Variants in ADARB2 observed in about 807,000 individuals in gnomAD.
The protein encoded by ADARB2 is adenosine deaminase RNA specific B2 (inactive), also known as inactive double-stranded RNA-specific editase B2.
In ADARB2, 25 loss-of-function variants were observed where a neutral mutation model predicts 62.2. The ratio of observed to expected loss-of-function variants is 0.40; its 90% CI spans 0.29 to 0.56. ADARB2 has a LOEUF of 0.56. Among genes scored for constraint, ADARB2 ranks in the 20% least tolerant of loss-of-function variants. ADARB2 has a pLI of 0.43. For synonymous variants in ADARB2, 572 were observed against 500.8 expected (o/e 1.14, Z -1.90); for missense variants, 1,071 against 1,077.4 (o/e 0.99, Z 0.08).
intron 1 of ADARB2, among the ~76,000 whole-genome samples, chr10:1,479,983 T>A (rs564603605): frequency 1.3e-5 from 2 of 152,012 alleles, no homozygotes; most frequent in East Asian, 3.9e-4. Flanking sequence ...ACAGAAGAGA[T>A]GGAAGGAGCT....
In ADARB2 at chr10:1,704,529, G is replaced by A. The variant is rs1834862957; in HGVS notation, c.100+32522C>T. Among the ~76,000 whole-genome samples the A allele has an allele frequency of 6.6e-6, 1 of 152,208 alleles. No homozygotes were observed. Among genetic ancestry groups the A allele is most frequent in the Admixed American group, 6.5e-5 (1 of 15,288 alleles). On this transcript the variant is annotated intron_variant, in intron 1 of 9. Transcript: ENST00000381312. The surrounding 1 kb of genome is among the most constrained non-coding windows in gnomAD (Gnocchi z 5.6). ...GAGCTCAGACATAATGTGAGTGGCAGAGAGTGGCTGTAAATATAGATGAAG... is the reference window on the plus strand; with the variant it reads ...GAGCTCAGACATAATGTGAGTGGCAAAGAGTGGCTGTAAATATAGATGAAG...
intron 4 of ADARB2, among the ~76,000 whole-genome samples, chr10:1,267,829 G>A (rs1394150124): frequency 6.6e-6 from 1 of 152,134 alleles, no homozygotes; most frequent in Non-Finnish European, 1.5e-5. Context: ...GGTTCTGCTT[G>A]GCTCTGTAGT....
chr10:1,273,784 C>T (rs940573790), intron 3 of ADARB2, among the ~76,000 whole-genome samples: 3 of 152,214 alleles, frequency 2.0e-5, no homozygotes, highest in Non-Finnish European at 2.9e-5. Context: ...ACCACAGGCT[C>T]CTGCAGGGCG....
intron 7 of ADARB2, among the ~76,000 whole-genome samples, chr10:1,207,981 C>T (rs1021204659): frequency 5.3e-5 from 8 of 152,190 alleles, no homozygotes; most frequent in African/African-American, 1.9e-4. Context: ...CACAGGCCTT[C>T]AGGATGGGAC....
At chr10:1,683,443 A>G (rs964357096) in intron 1 of ADARB2, among the ~76,000 whole-genome samples, 1 of 152,216 alleles carries the variant, frequency 6.6e-6, no homozygotes, top group African/African-American at 2.4e-5. Flanking sequence ...TGAGCTCGAA[A>G]GATTTTGCAG....
At chr10:1,686,053 C>T (rs893914271) in intron 1 of ADARB2, among the ~76,000 whole-genome samples, 8 of 152,202 alleles carry the variant, frequency 5.3e-5, no homozygotes, top group Admixed American at 1.3e-4. Context: ...TTGAATCAGG[C>T]CTGAGAGGAT....
chr10:1,605,481 T>C (rs1833483743), intron 1 of ADARB2, among the ~76,000 whole-genome samples: 1 of 152,216 alleles, frequency 6.6e-6, no homozygotes, highest in South Asian at 2.1e-4. Flanking sequence ...GAAGCCTGGA[T>C]TTAGGATTCA....
intron 3 of ADARB2, among the ~76,000 whole-genome samples, chr10:1,304,466 G>A (rs1285204501): frequency 6.6e-6 from 1 of 151,756 alleles, no homozygotes; most frequent in Admixed American, 6.6e-5. Context: ...GACAGATCAA[G>A]GAGACAGAAA....
At chr10:1,216,700 G>C (rs1040237344) in intron 7 of ADARB2, 1 of 549,572 alleles carries the variant, frequency 1.8e-6, no homozygotes, top group Non-Finnish European at 3.2e-6. Context: ...CCTTGCTCGG[G>C]GCTGTTTGCC....
At chr10:1,231,566 C>T (rs1315332518) in intron 6 of ADARB2, among the ~76,000 whole-genome samples, 7 of 152,166 alleles carry the variant, frequency 4.6e-5, no homozygotes, top group Non-Finnish European at 1.0e-4. Flanking sequence ...GTCCACTTCT[C>T]AGGTACTCAG....
intron 1 of ADARB2, among the ~76,000 whole-genome samples, chr10:1,395,575 C>T (rs1383790875): frequency 6.6e-6 from 1 of 152,220 alleles, no homozygotes; most frequent in African/African-American, 2.4e-5. Context: ...TCCCTGAGGG[C>T]CCAGGCTGCC....
intron 1 of ADARB2, among the ~76,000 whole-genome samples, chr10:1,470,937 T>C (rs1250589444): frequency 6.6e-6 from 1 of 152,146 alleles, no homozygotes; most frequent in Non-Finnish European, 1.5e-5. Flanking sequence ...CAGGTGCCTG[T>C]AGTCTCAGCT....
chr10:1,649,289 G>A (rs1329545213), intron 1 of ADARB2, among the ~76,000 whole-genome samples: 1 of 152,168 alleles, frequency 6.6e-6, no homozygotes, highest in Non-Finnish European at 1.5e-5. Flanking sequence ...ATCATAAATT[G>A]GAATCAGGGA....
chr10:1,319,697 CTT>C (rs1831778408), intron 3 of ADARB2, among the ~76,000 whole-genome samples: 1 of 140,412 alleles, frequency 7.1e-6, no homozygotes. Context: ...ATGTTTCCCT[CTT>C]TGTCTTGAAT....
intron 1 of ADARB2, among the ~76,000 whole-genome samples, chr10:1,399,094 GA>G (rs1350122444): frequency 1.3e-5 from 2 of 152,206 alleles, no homozygotes; most frequent in African/African-American, 4.8e-5. Context: ...GAACTGAGAA[GA>G]TTTGCAGGGA....
At chr10:1,585,999 A>G (rs1833175923) in intron 1 of ADARB2, among the ~76,000 whole-genome samples, 2 of 152,110 alleles carry the variant, frequency 1.3e-5, no homozygotes, top group Admixed American at 1.3e-4. Flanking sequence ...GCGCCACTGC[A>G]CTCCAGCCTG....
intron 1 of ADARB2, among the ~76,000 whole-genome samples, chr10:1,547,020 A>G (rs1832530458): frequency 6.6e-6 from 1 of 152,244 alleles, no homozygotes; most frequent in African/African-American, 2.4e-5. Context: ...GCCTGGCAGG[A>G]GCAGACAGAA....
intron 7 of ADARB2, among the ~76,000 whole-genome samples, chr10:1,201,259 C>T (rs1430226856): frequency 6.6e-6 from 1 of 152,220 alleles, no homozygotes. Flanking sequence ...TCCCTCTCTC[C>T]CTCTGCAAAT....
intron 1 of ADARB2, among the ~76,000 whole-genome samples, chr10:1,439,316 T>C (rs1190713829): frequency 4.4e-5 from 5 of 114,358 alleles, no homozygotes; most frequent in African/African-American, 1.0e-4. Flanking sequence ...TCTGAGTCTC[T>C]CCCAGGATGG....
Sources: allele counts gnomAD v4.1 joint callset (sites outside exome capture counted in the v4.1 genomes callset), GRCh38; gene constraint gnomAD v4.1.1; non-coding constraint Gnocchi (gnomAD v3.1); transcripts MANE v1.5; gene names NCBI Gene and HGNC (gene_info 2026-07-23, HGNC 2026-07-21).